SEMA4A: variants seen among roughly 807,000 people sequenced by gnomAD.
SEMA4A encodes semaphorin-4A.
A neutral mutation model predicts 72.5 loss-of-function variants in SEMA4A; 52 were observed. That is an observed-to-expected ratio of 0.72 (90% confidence interval 0.57 to 0.90). SEMA4A has a LOEUF of 0.90. Ranked by LOEUF, SEMA4A falls within the 40% of genes least tolerant of loss-of-function variation. The pLI is 0.00. For missense variants in SEMA4A, 926 were observed against 959.7 expected (o/e 0.96, Z 0.46); for synonymous variants, 369 against 393.1 (o/e 0.94, Z 0.73).
rs1338290762 is a variant in SEMA4A, at chr1:156,162,952, G to A, written c.992G>A (p.Gly331Asp). 6.2e-7 allele frequency: 1 copy of A among 1,613,744 alleles called. No homozygotes were observed. The highest frequency in any genetic ancestry group is 8.5e-7 in the Non-Finnish European group (1 of 1,180,038). The change falls in exon 10 of 15, where the codon GGC becomes GAC. Residue 331 changes from glycine to aspartate, a missense_variant. Transcript: ENST00000368285. ...YAVFTSQWQVGGTRSSAVCAF... is the reference protein window; with the variant it reads ...YAVFTSQWQVDGTRSSAVCAF... The stretch of plus-strand genomic sequence containing the variant: ...CCTCTGGCTGTCTCCAGGCAGGTTG[G>A]CGGGACCAGGAGCTCTGCGGTTTGT...
At chr1:156,162,580 G>A (rs1653765231) in intron 9 of SEMA4A, among the ~76,000 whole-genome samples, 3 of 152,274 alleles carry the variant, frequency 2.0e-5, no homozygotes, top group Admixed American at 2.0e-4. Context: ...GAGACTCAAA[G>A]GAAGAGGGGT....
rs41265015 is a variant in SEMA4A, at chr1:156,175,532, T to G, written c.1593-24T>G. 6.6e-5 allele frequency: 104 copies of G among 1,585,146 alleles called. 1 individual carries two copies. The highest frequency in any genetic ancestry group is 8.7e-5 in the Non-Finnish European group (101 of 1,156,366). On this transcript the variant is annotated intron_variant, in intron 13 of 14. Coordinates refer to ENST00000368285, the MANE Select transcript of SEMA4A (RefSeq NM_022367.4). ...CACTTTCAGCTCTTTTGAAGGATAA[T>G]TTTTACTTTCTCTGCTCTCTTAGGA...
At chr1:156,175,300 G>C (rs1655208846) in intron 13 of SEMA4A, 57 bp downstream of exon 13, 1 of 1,552,716 alleles carries the variant, frequency 6.4e-7, no homozygotes, top group Admixed American at 1.8e-5. Flanking sequence ...TTCTCAGCCA[G>C]CTTCTGCTAC....
At chr1:156,149,220 T>C (rs1239298605), upstream of SEMA4A, among the ~76,000 whole-genome samples, 5 of 152,162 alleles carry the variant, frequency 3.3e-5, no homozygotes, top group Non-Finnish European at 7.4e-5. Flanking sequence ...CAGGCTTGGC[T>C]CTCAAAAAGG....
Position 156,174,111 on chromosome 1 carries a change from C to CAA in SEMA4A, c.1316-701_1316-700dup, listed in dbSNP as rs369211667. Among the ~76,000 whole-genome samples the CAA allele has an allele frequency of 4.2e-3, 599 of 144,242 alleles. 2 individuals are homozygous for CAA. The highest frequency in any genetic ancestry group is 0.014 in the African/African-American group (567 of 39,626). 94.6% of individuals were successfully genotyped at this position (144,242 alleles called of 152,430 possible). A position where few individuals can be genotyped will look rare whatever the true frequency, so the allele number is the denominator to read the frequency against. On this transcript the variant is annotated intron_variant, in intron 11 of 14. Transcript: ENST00000368285. ...GGGTGACAAGAGTGAAAATCCGTCTCAAAAAAAAAAATAGCCATTGTGGAA... is the reference window on the plus strand; with the variant it reads ...GGGTGACAAGAGTGAAAATCCGTCTCAAAAAAAAAAAAATAGCCATTGTGGAA...
chr1:156,159,741 G>A (rs1297223449), intron 6 of SEMA4A, among the ~76,000 whole-genome samples: 1 of 151,750 alleles, frequency 6.6e-6, no homozygotes, highest in Non-Finnish European at 1.5e-5. Context: ...GTGAGACCTC[G>A]TCTCTACTAA....
chr1:156,159,252 T>G (rs1271086272), intron 6 of SEMA4A, among the ~76,000 whole-genome samples: 2 of 152,024 alleles, frequency 1.3e-5, no homozygotes, highest in Admixed American at 1.3e-4. Flanking sequence ...AAGAATTGCT[T>G]GAACCCAGGA....
At chr1:156,153,551 G>A (rs1652721786), upstream of SEMA4A, 1 of 152,350 alleles carries the variant, frequency 6.6e-6, no homozygotes, top group Admixed American at 6.5e-5. Flanking sequence ...AACTCGAGAG[G>A]TGGAAATTCC....
chr1:156,175,436 C>T, intron 13 of SEMA4A, 120 bp from the exon 14 acceptor site: 2 of 1,097,060 alleles, frequency 1.8e-6, no homozygotes, highest in Non-Finnish European at 2.8e-6. Flanking sequence ...CCGCGTTCCT[C>T]TCTCTGTTCC....
rs757008525 is a variant in SEMA4A, at chr1:156,176,530, A to G, written c.1819A>G (p.Asn607Asp). The part of the protein sequence containing the change: ...AVPEASSTVY[N>D]GSLLLIVQDG... ...CCCAGAAGCCTCTTCCACTGTCTAC[A>G]ATGGCTCCCTCTTGCTGATAGTGCA... The change falls in exon 15 of 15, where the codon AAT (asparagine) becomes GAT (aspartate). Residue 607 changes from asparagine (N) to aspartate (D), a missense_variant. Transcript: ENST00000368285. 2 of 1,614,082 alleles carry G rather than the reference A, an allele frequency of 1.2e-6. No homozygotes were observed. Among genetic ancestry groups the G allele is most frequent in the Admixed American group, 1.7e-5 (1 of 60,008 alleles).
chr1:156,176,852 G>T lies in SEMA4A; in HGVS notation c.2141G>T (p.Gly714Val). ...CCATTGAGAGCACTCCGGGCTCGGG[G>T]CAAGGTTCAGGGCTGTGAGACCCTG... The part of the protein sequence containing the change: ...ASPLRALRAR[G>V]KVQGCETLRP... The change falls in exon 15 of 15, where the codon GGC becomes GTC. Residue 714 changes from glycine (G) to valine (V), a missense_variant. Physicochemically the swap from Gly to Val is moderately radical, Grantham distance 109. Coordinates refer to ENST00000368285, the MANE Select transcript of SEMA4A (RefSeq NM_022367.4). 6 of 1,614,252 alleles carry T rather than the reference G, an allele frequency of 3.7e-6. No individual in the cohort carries two copies. Among genetic ancestry groups the T allele is most frequent in the Non-Finnish European group, 5.1e-6 (6 of 1,180,040 alleles).
intron 10 of SEMA4A, among the ~76,000 whole-genome samples, chr1:156,172,409 C>T (rs1038815534): frequency 3.9e-5 from 6 of 152,184 alleles, no homozygotes; most frequent in Non-Finnish European, 7.3e-5. Flanking sequence ...AGCCACTGCG[C>T]CCAGCCATAA....
chr1:156,175,898 T>C lies in SEMA4A; in HGVS notation c.1693+242T>C, dbSNP rs1655279629. Among the ~76,000 whole-genome samples the C allele has an allele frequency of 3.3e-5, 5 of 152,222 alleles. No homozygotes were observed. The South Asian group carries it at 1.0e-3, about 32-fold the overall frequency. On this transcript the variant is annotated intron_variant, in intron 14 of 14. Transcript: ENST00000368285. ...TTTTGGTGTCTGAGTTGGAGTTAGG[T>C]GGACTGGGGCTTAGTTTGGGGTCCA...
chr1:156,154,731 A>C lies in SEMA4A; in HGVS notation c.139+14A>C, dbSNP rs1652857667. The C allele has an allele frequency of 6.3e-7, 1 of 1,575,052 alleles. No homozygotes were observed. The highest frequency in any genetic ancestry group is 1.2e-5 in the South Asian group (1 of 86,162). ...GATACTATGCAGGTAAGTGTCCGAC[A>C]GCAGGAAGTGTGGGGATAGCAATAG... On this transcript the variant is annotated intron_variant, in intron 2 of 14. Coordinates refer to ENST00000368285, the MANE Select transcript of SEMA4A (RefSeq NM_022367.4).
intron 3 of SEMA4A, 151 bp downstream of exon 3, chr1:156,156,725 C>A: frequency 1.4e-6 from 1 of 722,516 alleles, no homozygotes; most frequent in Non-Finnish European, 2.2e-6. Context: ...ATATAACAGA[C>A]AGGAAATGTC....
chr1:156,159,874 T>C (rs567764839), intron 6 of SEMA4A, among the ~76,000 whole-genome samples: 1 of 145,032 alleles, frequency 6.9e-6, no homozygotes, highest in African/African-American at 2.6e-5. Flanking sequence ...TGAGTTGTGA[T>C]GGCACCACTG....
intron 2 of SEMA4A, 79 bp from the exon 3 acceptor site, chr1:156,156,335 C>T: frequency 7.0e-7 from 1 of 1,422,762 alleles, no homozygotes. Flanking sequence ...AACCCTTCCC[C>T]TTCCCCCACT....
At chr1:156,158,950 C>T (rs1283208725) in intron 6 of SEMA4A, 126 bp downstream of exon 6, 24 of 814,040 alleles carry the variant, frequency 2.9e-5, no homozygotes, top group Admixed American at 5.8e-5. Flanking sequence ...GCATATGGTC[C>T]CAGTTATTTG....
chr1:156,164,592 TACAGTAACTGCAC>T (rs1425153742), intron 10 of SEMA4A, among the ~76,000 whole-genome samples: 2 of 152,132 alleles, frequency 1.3e-5, no homozygotes, highest in African/African-American at 2.4e-5. Context: ...TGGACCAACA[TACAGTAACTGCAC>T]CCACCCCCAA....
Sources: allele counts gnomAD v4.1 joint callset (sites outside exome capture counted in the v4.1 genomes callset), GRCh38; gene constraint gnomAD v4.1.1; transcripts MANE v1.5; gene names NCBI Gene and HGNC (gene_info 2026-07-23, HGNC 2026-07-21).